Variants in NOP14 observed in about 807,000 individuals in gnomAD.
NOP14 encodes the protein nucleolar protein 14.
In NOP14, 57 loss-of-function variants were observed where a neutral mutation model predicts 101.6. The observed-to-expected ratio is 0.56, with a 90% confidence interval of 0.45 to 0.70. The LOEUF is 0.70. Ranked by LOEUF, NOP14 falls within the 30% of genes least tolerant of loss-of-function variation. NOP14 has a pLI of 0.00. For synonymous variants in NOP14, 428 were observed against 424.0 expected (o/e 1.01, Z -0.12); for missense variants, 1,134 against 1,075.5 (o/e 1.05, Z -0.76).
intron 10 of NOP14, 96 bp from the exon 11 acceptor site, chr4:2,946,643 C>CT: frequency 9.0e-7 from 1 of 1,114,422 alleles, no homozygotes; most frequent in South Asian, 1.4e-5. Flanking sequence ...CACCTGTTGA[C>CT]TGAGCAAGTA....
intron 13 of NOP14, among the ~76,000 whole-genome samples, chr4:2,942,985 A>C (rs1217639912): frequency 6.6e-6 from 1 of 152,104 alleles, no homozygotes; most frequent in Non-Finnish European, 1.5e-5. Context: ...GCCCCGCCCC[A>C]CACTTCCCCA....
chr4:2,950,115 C>A lies in NOP14; in HGVS notation c.1101G>T (p.Gly367=). 1 of 1,614,204 alleles carries A rather than the reference C, an allele frequency of 6.2e-7. No individual in the cohort carries two copies. Among genetic ancestry groups the A allele is most frequent in the Non-Finnish European group, 8.5e-7 (1 of 1,180,040 alleles). ...SNEEEGDSSG[G]EDTEESDSPD... is the part of the protein sequence containing the mutation. ...GGCTGTCGCTCTCCTCTGTGTCCTCCCCGCCTGAACTGTCACCTTCTTCCT... is the reference window on the plus strand; with the variant it reads ...GGCTGTCGCTCTCCTCTGTGTCCTCACCGCCTGAACTGTCACCTTCTTCCT... The change falls in exon 8 of 18, where the codon GGG becomes GGT. Residue 367 remains glycine (G), a synonymous_variant. Coordinates refer to ENST00000416614, the MANE Select transcript of NOP14 (RefSeq NM_001291978.2).
At chr4:2,948,178 G>GGCCCC in intron 9 of NOP14, 100 bp downstream of exon 9, 1 of 1,414,348 alleles carries the variant, frequency 7.1e-7, no homozygotes, top group East Asian at 2.5e-5. Context: ...CATCTGGCCT[G>GGCCCC]AGGCACACAT....
intron 1 of NOP14, among the ~76,000 whole-genome samples, chr4:2,961,060 ATAT>A (rs1190587936): frequency 1.5e-4 from 17 of 116,452 alleles, no homozygotes; most frequent in Admixed American, 4.2e-4. Flanking sequence ...TACTACATCA[ATAT>A]TATATTAATA....
intron 15 of NOP14, chr4:2,940,207 G>A (rs946626462): frequency 6.5e-6 from 1 of 154,182 alleles, no homozygotes; most frequent in Non-Finnish European, 1.4e-5. Flanking sequence ...TTTTCACCAA[G>A]ACCTTGGCTT....
chr4:2,954,617 G>A, intron 3 of NOP14, 54 bp from the exon 4 acceptor site: 3 of 1,594,242 alleles, frequency 1.9e-6, no homozygotes, highest in Non-Finnish European at 2.6e-6. Context: ...GGCGTGGGAA[G>A]TGTTTCCTGT....
At chr4:2,946,269 T>C in intron 11 of NOP14, 143 bp downstream of exon 11, 2 of 850,570 alleles carry the variant, frequency 2.4e-6, no homozygotes, top group East Asian at 2.5e-5. Context: ...TCACTCCAGA[T>C]CACCCTCGCT....
At chr4:2,949,898 A>G in intron 8 of NOP14, 36 bp downstream of exon 8, 1 of 1,612,042 alleles carries the variant, frequency 6.2e-7, no homozygotes, top group South Asian at 1.1e-5. Flanking sequence ...CATAAAGGTT[A>G]TCCCAGAACC....
In NOP14 at chr4:2,951,324, C is replaced by T. The variant is rs963038195; in HGVS notation, c.871-79G>A. On this transcript the variant is annotated intron_variant, in intron 6 of 17. Coordinates refer to ENST00000416614, the MANE Select transcript of NOP14 (RefSeq NM_001291978.2). ...GGGGGCCGTGCAGTCCTGCCCTGGG[C>T]AGCGGGCTGGGCCTACGGTCCTCCC... 2.9e-6 allele frequency: 4 copies of T among 1,401,476 alleles called. No homozygotes were observed. In the Admixed American group the frequency reaches 7.6e-5, roughly 27 times the overall value. 86.8% of individuals were successfully genotyped at this position (1,401,476 alleles called of 1,614,324 possible).
rs113068305 is a variant in NOP14 at position 2,950,695 on chromosome 4, T to G, written c.1002+419A>C. ...AAAGGGTACCGATTTATAAAGTTCG[T>G]GAATTAAAAACTACACCAGTCATGG... On this transcript the variant is annotated intron_variant, in intron 7 of 17. Transcript: ENST00000416614. 4.9e-4 allele frequency: 94 copies of G among 192,684 alleles called. 1 individual carries two copies. Among genetic ancestry groups the G allele is most frequent in the African/African-American group, 1.9e-3 (82 of 42,582 alleles). 11.9% of individuals were successfully genotyped at this position (192,684 alleles called of 1,614,324 possible).
chr4:2,939,889 G>A (rs1414759600), intron 15 of NOP14, among the ~76,000 whole-genome samples: 5 of 152,230 alleles, frequency 3.3e-5, no homozygotes, highest in Non-Finnish European at 7.3e-5. Flanking sequence ...AGGGCCGTGG[G>A]CTGGCCCCTG....
rs558673780 is a variant in NOP14, at chr4:2,962,917, G to A, written c.195+208C>T. On this transcript the variant is annotated intron_variant, in intron 1 of 17. Coordinates refer to ENST00000416614, the MANE Select transcript of NOP14 (RefSeq NM_001291978.2). Reference sequence around the variant, plus strand: ...TGGAGGAGTCGCCGAAATAACACGAGTGCAGGGTCTCCAAGACGGCGAGAG... The same window carrying A: ...TGGAGGAGTCGCCGAAATAACACGAATGCAGGGTCTCCAAGACGGCGAGAG... Among the ~76,000 whole-genome samples, 12 of 152,326 alleles carry A rather than the reference G, an allele frequency of 7.9e-5. No homozygotes were observed. The South Asian group carries it at 2.3e-3, about 29-fold the overall frequency.
chr4:2,952,956 C>T (rs958821570), intron 5 of NOP14, among the ~76,000 whole-genome samples: 2 of 152,172 alleles, frequency 1.3e-5, no homozygotes, highest in Non-Finnish European at 2.9e-5. Context: ...ACAACAAAAA[C>T]GCTACTTATC....
chr4:2,942,374 C>G (rs1714274794), intron 13 of NOP14, 23 bp from the exon 14 acceptor site: 2 of 1,606,532 alleles, frequency 1.2e-6, no homozygotes, highest in Non-Finnish European at 1.7e-6. Context: ...TGCGACAGGA[C>G]AGAGATGGCC....
chr4:2,950,304 G>C, intron 7 of NOP14, 91 bp from the exon 8 acceptor site: 1 of 1,396,692 alleles, frequency 7.2e-7, no homozygotes, highest in Non-Finnish European at 9.9e-7. Flanking sequence ...GCCCACATCA[G>C]GGCTTTCTAC....
At position 2,953,563 on chromosome 4, in the gene NOP14, A is replaced by C. The variant is rs748182799; in HGVS notation, c.695T>G (p.Leu232Arg). ...DQDWKEIQTL[L>R]SHKTPKSENR... Reference sequence around the variant, plus strand: ...CTCTGACTTGGGAGTTTTGTGGGACAGGAGAGTCTGAATTTCTTTCCAGTC... The same window carrying C: ...CTCTGACTTGGGAGTTTTGTGGGACCGGAGAGTCTGAATTTCTTTCCAGTC... Residue 232 changes from leucine (L) to arginine (R), a missense_variant, in exon 5 of 18, where the codon CTG (leucine) becomes CGG (arginine). Transcript: ENST00000416614. The C allele has an allele frequency of 6.2e-7, 1 of 1,614,220 alleles. No homozygotes were observed. Among genetic ancestry groups the C allele is most frequent in the South Asian group, 1.1e-5 (1 of 91,088 alleles).
At chr4:2,963,072 G>T in intron 1 of NOP14, 53 bp downstream of exon 1, 1 of 1,452,314 alleles carries the variant, frequency 6.9e-7, no homozygotes. Context: ...CCGGCCGAGA[G>T]CAGCGTGGGG....
chr4:2,961,106 T>TAATAATATATTAATATACTAATA (rs1560311836), intron 1 of NOP14, among the ~76,000 whole-genome samples: 1 of 37,902 alleles, frequency 2.6e-5, no homozygotes, highest in African/African-American at 2.5e-4. Flanking sequence ...TATTAATATT[T>TAATAATATATTAATATACTAATA]TAATAATATA....
In NOP14 at chr4:2,942,381, G is replaced by A. The variant is rs1347131656; in HGVS notation, c.1892-30C>T. 17 of 1,601,712 alleles carry A rather than the reference G, an allele frequency of 1.1e-5. No individual in the cohort carries two copies. In the East Asian group the frequency reaches 3.8e-4, roughly 36 times the overall value. On this transcript the variant is annotated intron_variant, in intron 13 of 17. Coordinates refer to ENST00000416614, the MANE Select transcript of NOP14 (RefSeq NM_001291978.2). Reference sequence around the variant, plus strand: ...ATTCCAAGTGCGACAGGACAGAGATGGCCTGAACATTACTGGGCTCCCAGC... The same window carrying A: ...ATTCCAAGTGCGACAGGACAGAGATAGCCTGAACATTACTGGGCTCCCAGC...
Sources: allele counts gnomAD v4.1 joint callset (sites outside exome capture counted in the v4.1 genomes callset), GRCh38; gene constraint gnomAD v4.1.1; transcripts MANE v1.5; gene names NCBI Gene and HGNC (gene_info 2026-07-23, HGNC 2026-07-21).